Variants in EHBP1 observed in about 807,000 individuals in gnomAD.
EHBP1 encodes EH domain-binding protein 1.
In EHBP1, 55 loss-of-function variants were observed where a neutral mutation model predicts 144.0. The ratio of observed to expected loss-of-function variants is 0.38; its 90% CI spans 0.31 to 0.48. The LOEUF (loss-of-function observed/expected upper bound fraction) is 0.48, where lower values mean the gene tolerates loss of function less well. Among genes scored for constraint, EHBP1 ranks in the 20% least tolerant of loss-of-function variants. The pLI is 0.98. For missense variants in EHBP1, 1,200 were observed against 1,364.2 expected (o/e 0.88, Z 1.90); for synonymous variants, 469 against 472.7 (o/e 0.99, Z 0.10).
chr2:62,747,628 G>C (rs981957728), intron 3 of EHBP1, among the ~76,000 whole-genome samples, 176 bp downstream of exon 3: 3 of 151,752 alleles, frequency 2.0e-5, no homozygotes, highest in East Asian at 1.9e-4. Context: ...TTCTCAAAAC[G>C]GGAGCCAGAT....
chr2:62,862,173 G>C (rs1466686636), intron 8 of EHBP1, among the ~76,000 whole-genome samples: 1 of 152,128 alleles, frequency 6.6e-6, no homozygotes, highest in Non-Finnish European at 1.5e-5. Context: ...ATGATTTTAT[G>C]ACTTCTCTTT....
At chr2:62,938,813 AAAAG>A (rs1300854417) in intron 10 of EHBP1, among the ~76,000 whole-genome samples, 3 of 152,156 alleles carry the variant, frequency 2.0e-5, no homozygotes, top group East Asian at 1.9e-4. Context: ...GGGGAAAAAA[AAAAG>A]AAGAAGAAGA....
At chr2:62,793,125 G>C (rs943573006) in intron 5 of EHBP1, among the ~76,000 whole-genome samples, 2 of 151,908 alleles carry the variant, frequency 1.3e-5, no homozygotes, top group African/African-American at 4.8e-5. Flanking sequence ...TTTGCATTTA[G>C]GGTAGATTAA....
intron 10 of EHBP1, among the ~76,000 whole-genome samples, chr2:62,888,682 G>C (rs957544717): frequency 6.6e-6 from 1 of 152,168 alleles, no homozygotes; most frequent in Non-Finnish European, 1.5e-5. Context: ...AGTAACAAAT[G>C]GCAAATGGAG....
At chr2:62,759,428 T>A (rs2040577481) in intron 3 of EHBP1, among the ~76,000 whole-genome samples, 1 of 152,086 alleles carries the variant, frequency 6.6e-6, no homozygotes, top group Non-Finnish European at 1.5e-5. Context: ...TTTTTTGAGA[T>A]GGAGTCTCGC....
chr2:62,840,492 A>G lies in EHBP1; in HGVS notation c.634+9334A>G, dbSNP rs1349292332. ...ACAAAAGACAAAATTGACAAATGGG[A>G]TCTAATTAAACTAAAGAGCTTCTGC... On this transcript the variant is annotated intron_variant, in intron 7 of 22. Transcript: ENST00000431489. Among the ~76,000 whole-genome samples the G allele has an allele frequency of 1.9e-4, 28 of 149,392 alleles. No individual in the cohort carries two copies. The Admixed American group carries it at 1.9e-3, about 10-fold the overall frequency.
intron 19 of EHBP1, among the ~76,000 whole-genome samples, chr2:63,004,036 T>C (rs1367251464): frequency 1.3e-5 from 2 of 152,122 alleles, no homozygotes; most frequent in African/African-American, 4.8e-5. Context: ...TAAAGTATTA[T>C]TTTGCTAATC....
At chr2:62,888,909 G>A (rs1368344610) in intron 10 of EHBP1, among the ~76,000 whole-genome samples, 2 of 152,136 alleles carry the variant, frequency 1.3e-5, no homozygotes, top group African/African-American at 4.8e-5. Flanking sequence ...GCACAGTGGA[G>A]TTAGGACTGT....
chr2:62,693,981 T>C (rs2033996091), intron 1 of EHBP1, among the ~76,000 whole-genome samples: 1 of 152,234 alleles, frequency 6.6e-6, no homozygotes, highest in African/African-American at 2.4e-5. Context: ...TTTGTTACTG[T>C]ATCTAAAAAA....
At chr2:62,791,764 TTA>T (rs2043181268) in intron 5 of EHBP1, among the ~76,000 whole-genome samples, 1 of 151,998 alleles carries the variant, frequency 6.6e-6, no homozygotes, top group African/African-American at 2.4e-5. Flanking sequence ...ATATATAGTT[TTA>T]TATTTACAAA....
At chr2:62,796,679 T>C (rs2043557210) in intron 5 of EHBP1, among the ~76,000 whole-genome samples, 1 of 152,206 alleles carries the variant, frequency 6.6e-6, no homozygotes, top group Admixed American at 6.5e-5. Context: ...CCATAGCATA[T>C]ACCATTTACA....
chr2:62,976,623 A>T (rs1303171434), intron 14 of EHBP1, among the ~76,000 whole-genome samples: 1 of 152,130 alleles, frequency 6.6e-6, no homozygotes, highest in East Asian at 1.9e-4. Context: ...ATGTACGTAT[A>T]GATAGATGTT....
At chr2:62,932,059 C>T (rs1478650665) in intron 10 of EHBP1, among the ~76,000 whole-genome samples, 1 of 151,770 alleles carries the variant, frequency 6.6e-6, no homozygotes, top group East Asian at 1.9e-4. Context: ...CACCTGTGGT[C>T]CCAGCTACTT....
At chr2:62,793,281 C>T (rs1227559841) in intron 5 of EHBP1, among the ~76,000 whole-genome samples, 1 of 152,058 alleles carries the variant, frequency 6.6e-6, no homozygotes, top group Non-Finnish European at 1.5e-5. Flanking sequence ...CAATGATTGA[C>T]TTTTTTTCAA....
rs1490168551 is a variant in EHBP1 at position 62,875,937 on chromosome 2, A to C, written c.1185+1405A>C. Among the ~76,000 whole-genome samples the C allele has an allele frequency of 2.6e-5, 4 of 152,226 alleles. No homozygotes were observed. The East Asian group carries it at 7.7e-4, about 29-fold the overall frequency. On this transcript the variant is annotated intron_variant, in intron 10 of 22. Coordinates refer to ENST00000431489, the MANE Select transcript of EHBP1 (RefSeq NM_001142616.3). Reference sequence around the variant, plus strand: ...CAGCTCAGTCAGACAAAAATACAGAAAAAAAAAGAATGAACTAACAAATCC... The same window carrying C: ...CAGCTCAGTCAGACAAAAATACAGACAAAAAAAGAATGAACTAACAAATCC...
chr2:62,934,780 G>A (rs967157547), intron 10 of EHBP1, among the ~76,000 whole-genome samples: 1 of 152,140 alleles, frequency 6.6e-6, no homozygotes, highest in Admixed American at 6.6e-5. Context: ...TTTATTCATA[G>A]GCCTTCGAGT....
At chr2:63,008,613 T>C (rs550215150) in intron 19 of EHBP1, among the ~76,000 whole-genome samples, 3 of 150,018 alleles carry the variant, frequency 2.0e-5, no homozygotes, top group Non-Finnish European at 3.0e-5. Flanking sequence ...TACCTAGAGG[T>C]TTTTTTTTCT....
In EHBP1 at chr2:62,690,198, G is replaced by A. The variant is rs755368544; in HGVS notation, c.-296+16115G>A. Among the ~76,000 whole-genome samples, 4 of 152,162 alleles carry A rather than the reference G, an allele frequency of 2.6e-5. No individual in the cohort carries two copies. In the South Asian group the frequency reaches 6.2e-4, roughly 24 times the overall value. On this transcript the variant is annotated intron_variant, in intron 1 of 22. Coordinates refer to the EHBP1 transcript ENST00000405015. ...AAAGCCTCTGGGTGCCTCCTTGGGG[G>A]TAGCAGAAAAAGCCCAACTGGGGAT...
intron 13 of EHBP1, among the ~76,000 whole-genome samples, chr2:62,954,052 T>C (rs559109957): frequency 6.6e-6 from 1 of 152,352 alleles, no homozygotes; most frequent in South Asian, 2.1e-4. Flanking sequence ...ATTTAATCTT[T>C]GCCCTGTCCT....
Sources: gnomAD v4.1 joint callset for allele counts (sites outside exome capture counted in the v4.1 genomes callset) on GRCh38, gnomAD v4.1.1 for gene constraint, MANE v1.5 for transcripts, NCBI Gene and HGNC (gene_info 2026-07-23, HGNC 2026-07-21) for gene names.